The following NBAS variants were observed in gnomAD, a reference collection of about 807,000 sequenced individuals.
The protein encoded by NBAS is NBAS subunit of NRZ tethering complex.
Under a neutral mutation model 302.5 loss-of-function variants are expected in NBAS, and 219 were observed. The ratio of observed to expected loss-of-function variants is 0.72; its 90% confidence interval spans 0.65 to 0.81. The LOEUF is 0.81. NBAS is among the 30% of genes least tolerant of loss of function. The pLI is 0.00. For synonymous variants in NBAS, 1,118 were observed against 1,021.6 expected, an observed-to-expected ratio of 1.09 and a Z score of -1.80; for missense variants, 2,932 against 2,841.6, an observed-to-expected ratio of 1.03 and a Z score of -0.72.
At chr2:15,176,545 C>G (rs948713889) in intron 51 of NBAS, among the ~76,000 whole-genome samples, 26 of 152,164 alleles carry the variant, frequency 1.7e-4, no homozygotes, top group African/African-American at 6.3e-4. Context: ...GAATCAATGT[C>G]AGCAACCGGG....
chr2:15,025,615 T>C, the NBAS span, among the ~76,000 whole-genome samples: 1 of 152,190 alleles, frequency 6.6e-6, no homozygotes, highest in African/African-American at 2.4e-5. Context: ...TTTTTCCATT[T>C]CTTTGTGTCA....
In NBAS at chr2:15,316,962, G is replaced by A. The variant is rs981024633; in HGVS notation, c.4583-7715C>T. Among the ~76,000 whole-genome samples, 49 of 152,292 alleles carry A rather than the reference G, an allele frequency of 3.2e-4. 1 individual carries two copies. The highest frequency in any genetic ancestry group is 1.6e-3 in the Admixed American group (25 of 15,292). On this transcript the variant is annotated intron_variant, in intron 38 of 51. Coordinates refer to ENST00000281513, the MANE Select transcript of NBAS (RefSeq NM_015909.4). ...ACCCCGTGTAGCCTAACTGGGAGAC[G>A]CTTCCCAGTAGGGGCCAACAGACAC...
chr2:15,070,092 C>T, the NBAS span, among the ~76,000 whole-genome samples: 1 of 152,148 alleles, frequency 6.6e-6, no homozygotes, highest in African/African-American at 2.4e-5. Flanking sequence ...TCGACTGTCT[C>T]CTGACCTGCT....
At chr2:14,980,122 G>C in the NBAS span, among the ~76,000 whole-genome samples, 2 of 152,136 alleles carry the variant, frequency 1.3e-5, no homozygotes, top group Non-Finnish European at 2.9e-5. Context: ...CTGCAGAAGA[G>C]AATGCTAATG....
At chr2:15,316,408 T>C (rs1165996650) in intron 38 of NBAS, among the ~76,000 whole-genome samples, 2 of 152,120 alleles carry the variant, frequency 1.3e-5, no homozygotes, top group Non-Finnish European at 2.9e-5. Flanking sequence ...CGAGATGAAG[T>C]AGGGCGGGGT....
In NBAS at chr2:15,234,719, T is replaced by C; in HGVS notation, c.5972A>G (p.Tyr1991Cys). ...QETLQKYSHL[Y>C]DLSRSEKEKL... ...CTCTTTTTCTGATCGGGACAGATCATAGAGGTGACTGTATTTTTGCAGTGT... is the reference window on the plus strand; with the variant it reads ...CTCTTTTTCTGATCGGGACAGATCACAGAGGTGACTGTATTTTTGCAGTGT... The change falls in exon 46 of 52, where the codon TAT (tyrosine) becomes TGT (cysteine). Residue 1991 changes from tyrosine (Y) to cysteine (C), a missense_variant. Transcript: ENST00000281513. The C allele has an allele frequency of 1.2e-6, 2 of 1,614,164 alleles. No individual in the cohort carries two copies. The highest frequency in any genetic ancestry group is 1.7e-6 in the Non-Finnish European group (2 of 1,180,000).
At chr2:15,305,183 A>T (rs750208500) in intron 40 of NBAS, among the ~76,000 whole-genome samples, 2 of 152,090 alleles carry the variant, frequency 1.3e-5, no homozygotes, top group Admixed American at 6.5e-5. Context: ...ATAATCCCCA[A>T]GTGTCAAGGG....
the NBAS span, among the ~76,000 whole-genome samples, chr2:15,024,069 C>G: frequency 9.2e-5 from 14 of 151,972 alleles, no homozygotes; most frequent in African/African-American, 3.4e-4. Flanking sequence ...TTTTGTCACT[C>G]GGATAGTCAT....
chr2:15,327,516 T>C (rs913920882), intron 38 of NBAS, among the ~76,000 whole-genome samples: 5 of 152,234 alleles, frequency 3.3e-5, no homozygotes, highest in Non-Finnish European at 7.3e-5. Flanking sequence ...ATAGGAATGA[T>C]ATTCATCCCT....
At chr2:15,400,871 T>C (rs1475515661) in intron 26 of NBAS, among the ~76,000 whole-genome samples, 1 of 152,196 alleles carries the variant, frequency 6.6e-6, no homozygotes, top group Non-Finnish European at 1.5e-5. Flanking sequence ...CCACATTCAG[T>C]AGTTGTCTTA....
At chr2:15,020,459 G>T in the NBAS span, among the ~76,000 whole-genome samples, 1 of 152,234 alleles carries the variant, frequency 6.6e-6, no homozygotes, top group Non-Finnish European at 1.5e-5. Context: ...GGATGGATGT[G>T]TGAAGGCTGA....
intron 33 of NBAS, among the ~76,000 whole-genome samples, chr2:15,354,431 T>A (rs2148306320): frequency 6.6e-6 from 1 of 152,344 alleles, no homozygotes; most frequent in Non-Finnish European, 1.5e-5. Context: ...ATAATTTTTT[T>A]CTAAATATGT....
the NBAS span, among the ~76,000 whole-genome samples, chr2:15,145,045 G>C: frequency 2.6e-5 from 4 of 152,018 alleles, no homozygotes; most frequent in African/African-American, 9.7e-5. Flanking sequence ...TAAAACAGTG[G>C]GCTAATGAAG....
chr2:15,063,398 C>T, the NBAS span, among the ~76,000 whole-genome samples: 4 of 152,120 alleles, frequency 2.6e-5, no homozygotes, highest in African/African-American at 9.7e-5. Flanking sequence ...CAAAATCACT[C>T]ATGGCCCCAT....
At chr2:14,995,486 C>T in the NBAS span, among the ~76,000 whole-genome samples, 2 of 152,328 alleles carry the variant, frequency 1.3e-5, no homozygotes, top group Admixed American at 1.3e-4. Flanking sequence ...GTTCTAAGCC[C>T]TTGGGCTGGG....
At chr2:14,851,211 G>A in the NBAS span, among the ~76,000 whole-genome samples, 2 of 135,382 alleles carry the variant, frequency 1.5e-5, no homozygotes, top group Non-Finnish European at 3.0e-5. Context: ...AAAGAGGGAA[G>A]AATCAAATAG....
At chr2:14,795,426 T>C in the NBAS span, among the ~76,000 whole-genome samples, 1 of 151,468 alleles carries the variant, frequency 6.6e-6, no homozygotes, top group East Asian at 1.9e-4. Flanking sequence ...TATTGGTCCA[T>C]ATATTTATTG....
In NBAS at chr2:15,548,970, T is replaced by C. The variant is rs188584825; in HGVS notation, c.379+2523A>G. Among the ~76,000 whole-genome samples the C allele has an allele frequency of 9.2e-4, 140 of 152,266 alleles. 2 individuals carry two copies. Among genetic ancestry groups the C allele is most frequent in the Non-Finnish European group, 1.6e-3 (112 of 68,016 alleles). ...CAGGCTGATTGCGAAAAGTCTTTTA[T>C]CGTAAATTAGAAAAAATGAACTGTA... On this transcript the variant is annotated intron_variant, in intron 6 of 51. Coordinates refer to ENST00000281513, the MANE Select transcript of NBAS (RefSeq NM_015909.4).
At chr2:15,074,054 A>T in the NBAS span, among the ~76,000 whole-genome samples, 1 of 152,218 alleles carries the variant, frequency 6.6e-6, no homozygotes, top group Admixed American at 6.5e-5. Flanking sequence ...CCAGATATGA[A>T]AATATGTTAT....
Sources: gnomAD v4.1 joint callset for allele counts (sites outside exome capture counted in the v4.1 genomes callset) on GRCh38, gnomAD v4.1.1 for gene constraint, MANE v1.5 for transcripts, NCBI Gene and HGNC (gene_info 2026-07-23, HGNC 2026-07-21) for gene names.